The following SIPA1L3 variants were observed in gnomAD, a reference collection of about 807,000 sequenced individuals.
The protein encoded by SIPA1L3 is signal induced proliferation associated 1 like 3.
Under a neutral mutation model 150.1 loss-of-function variants are expected in SIPA1L3, and 59 were observed. That is an observed-to-expected ratio of 0.39 (90% CI 0.32 to 0.49). The LOEUF (loss-of-function observed/expected upper bound fraction) is 0.49. SIPA1L3 is among the 20% of genes least tolerant of loss of function. The pLI is 0.86. For missense variants in SIPA1L3, 2,211 were observed against 2,489.5 expected (o/e 0.89, Z 2.38); for synonymous variants, 1,070 against 1,077.6 (o/e 0.99, Z 0.14).
intron 9 of SIPA1L3, among the ~76,000 whole-genome samples, chr19:38,126,478 A>G (rs756450274): frequency 6.6e-6 from 1 of 151,992 alleles, no homozygotes; most frequent in South Asian, 2.1e-4. Context: ...TTTTTTTGTG[A>G]TTTTTTTAAG....
At chr19:38,105,569 A>G (rs930800950) in intron 6 of SIPA1L3, among the ~76,000 whole-genome samples, 1 of 152,156 alleles carries the variant, frequency 6.6e-6, no homozygotes, top group Admixed American at 6.6e-5. Flanking sequence ...CTGATGCTCA[A>G]TGATAACCAT....
At chr19:38,157,267 A>G (rs1381271654) in intron 13 of SIPA1L3, among the ~76,000 whole-genome samples, 2 of 152,208 alleles carry the variant, frequency 1.3e-5, no homozygotes, top group Non-Finnish European at 2.9e-5. Flanking sequence ...CCATCCTAAT[A>G]ACAGCTGTAC....
intron 1 of SIPA1L3, among the ~76,000 whole-genome samples, chr19:37,931,109 C>T (rs1352161182): frequency 5.3e-5 from 8 of 152,232 alleles, no homozygotes; most frequent in East Asian, 1.9e-4. Flanking sequence ...GCTGATTACT[C>T]GGTATTTTGA....
intron 1 of SIPA1L3, among the ~76,000 whole-genome samples, chr19:38,007,727 C>T (rs1357466902): frequency 7.9e-5 from 12 of 151,958 alleles, no homozygotes. Flanking sequence ...GTGTTCTTGG[C>T]TACATGTGTG....
In SIPA1L3 at chr19:38,039,115, T is replaced by A. The variant is rs60627615; in HGVS notation, c.-311+9959T>A. 4.3e-4 allele frequency among the ~76,000 whole-genome samples: 65 copies of A among 152,130 alleles called. No homozygotes were observed. The East Asian group carries it at 0.012, about 27-fold the overall frequency. On this transcript the variant is annotated intron_variant, in intron 2 of 21. Coordinates refer to ENST00000222345, the MANE Select transcript of SIPA1L3 (RefSeq NM_015073.3). ...CCAGGGTGGTCTCGAACTCCTGAGC[T>A]CAGACAATCCACCTGCCTTGGCCTC...
chr19:38,016,046 T>C (rs1398849047), intron 1 of SIPA1L3, among the ~76,000 whole-genome samples: 1 of 152,234 alleles, frequency 6.6e-6, no homozygotes, highest in East Asian at 1.9e-4. Context: ...GGATCTCTTC[T>C]GCTCACATGC....
intron 1 of SIPA1L3, among the ~76,000 whole-genome samples, chr19:37,957,280 A>G (rs570357464): frequency 1.3e-5 from 2 of 152,172 alleles, no homozygotes; most frequent in African/African-American, 2.4e-5. Context: ...CATACTGACA[A>G]GTTTTCAGAT....
At chr19:38,092,014 A>G (rs1023045016) in intron 4 of SIPA1L3, among the ~76,000 whole-genome samples, 46 of 151,386 alleles carry the variant, frequency 3.0e-4, no homozygotes, top group African/African-American at 9.7e-4. Flanking sequence ...CAGTGAGCCA[A>G]GATCATTCCA....
At chr19:38,094,853 G>A (rs1420995624) in intron 4 of SIPA1L3, among the ~76,000 whole-genome samples, 2 of 152,084 alleles carry the variant, frequency 1.3e-5, no homozygotes, top group African/African-American at 4.8e-5. Flanking sequence ...GATCACCTGA[G>A]GTCAGGGGTT....
chr19:38,111,951 A>G (rs1409004602), intron 8 of SIPA1L3, among the ~76,000 whole-genome samples: 3 of 149,190 alleles, frequency 2.0e-5, no homozygotes, highest in Non-Finnish European at 4.4e-5. Context: ...GCACACACAT[A>G]CATGCACACA....
intron 1 of SIPA1L3, among the ~76,000 whole-genome samples, chr19:37,908,199 A>G (rs1568459953): frequency 6.6e-6 from 1 of 151,750 alleles, no homozygotes; most frequent in African/African-American, 2.4e-5. Context: ...AGTATTGGTC[A>G]CCCCCGAGGG....
At chr19:37,956,908 C>T (rs1477551497) in intron 1 of SIPA1L3, among the ~76,000 whole-genome samples, 2 of 152,158 alleles carry the variant, frequency 1.3e-5, no homozygotes, top group Non-Finnish European at 2.9e-5. Flanking sequence ...CATGTTTTCT[C>T]CTAGAAGTTG....
At chr19:37,960,478 A>ACTG (rs1473020754) in intron 1 of SIPA1L3, among the ~76,000 whole-genome samples, 1 of 149,010 alleles carries the variant, frequency 6.7e-6, no homozygotes, top group Non-Finnish European at 1.5e-5. Context: ...ATCTTGGCTC[A>ACTG]CTGCAAGCTC....
rs1002522276 is a variant in SIPA1L3 at position 38,100,423 on chromosome 19, G to T, written c.1854+273G>T. On this transcript the variant is annotated intron_variant, in intron 5 of 21. Transcript: ENST00000222345. ...TGCATATATGTGTCTATAGTGGGGG[G>T]TTAGTGTGTCTTTCCTCCCCGCTCC... Among the ~76,000 whole-genome samples the T allele has an allele frequency of 2.6e-5, 4 of 152,238 alleles. No homozygotes were observed. The East Asian group carries it at 7.7e-4, about 29-fold the overall frequency.
chr19:37,973,885 T>A (rs1463075219), intron 1 of SIPA1L3, among the ~76,000 whole-genome samples: 1 of 152,152 alleles, frequency 6.6e-6, no homozygotes, highest in Admixed American at 6.5e-5. Context: ...GAACTCTTGA[T>A]TCTATGTGTC....
At chr19:38,104,111 G>A (rs2054538197) in intron 6 of SIPA1L3, among the ~76,000 whole-genome samples, 1 of 151,988 alleles carries the variant, frequency 6.6e-6, no homozygotes, top group African/African-American at 2.4e-5. Flanking sequence ...GTCAGACATT[G>A]CTCTTCCCCA....
intron 1 of SIPA1L3, among the ~76,000 whole-genome samples, chr19:38,014,633 G>C (rs1360964770): frequency 7.1e-6 from 1 of 141,566 alleles, no homozygotes; most frequent in Non-Finnish European, 1.5e-5. Flanking sequence ...GCTCACTTCA[G>C]CTTCAACCTC....
intron 1 of SIPA1L3, among the ~76,000 whole-genome samples, chr19:37,976,404 T>C (rs550378298): frequency 1.2e-3 from 186 of 152,256 alleles, no homozygotes; most frequent in African/African-American, 4.1e-3. Flanking sequence ...ACTGCAGCAC[T>C]GGGAAGCAGT....
chr19:38,181,119 G>C (rs767465936), intron 15 of SIPA1L3, among the ~76,000 whole-genome samples: 6 of 152,128 alleles, frequency 3.9e-5, no homozygotes, highest in Non-Finnish European at 7.3e-5. Flanking sequence ...GACAAAATGC[G>C]ACAAATTTCC....
Sources: allele counts gnomAD v4.1 joint callset (sites outside exome capture counted in the v4.1 genomes callset), GRCh38; gene constraint gnomAD v4.1.1; transcripts MANE v1.5; gene names NCBI Gene and HGNC (gene_info 2026-07-23, HGNC 2026-07-21).